The following GRIK1 variants were observed in gnomAD, a reference collection of about 807,000 sequenced individuals.
The protein encoded by GRIK1 is glutamate receptor ionotropic, kainate 1.
In GRIK1, 69 loss-of-function variants were observed where a neutral mutation model predicts 105.7. The observed-to-expected ratio is 0.65, with a 90% CI of 0.54 to 0.80. GRIK1 has a LOEUF of 0.80. Ranked by LOEUF, GRIK1 falls within the 30% of genes least tolerant of loss-of-function variation. The probability of loss-of-function intolerance (pLI) is 0.00; values close to 1 mark genes in which losing one functional copy is unlikely to be tolerated. For synonymous variants in GRIK1, 438 were observed against 431.3 expected, an observed-to-expected ratio of 1.02 and a Z score of -0.19; for missense variants, 1,109 against 1,167.3, an observed-to-expected ratio of 0.95 and a Z score of 0.73.
intron 1 of GRIK1, among the ~76,000 whole-genome samples, chr21:29,817,686 G>A (rs1220341284): frequency 6.6e-6 from 1 of 152,088 alleles, no homozygotes; most frequent in East Asian, 1.9e-4. Context: ...ACTGGACCAA[G>A]CCAAACCTGG....
chr21:29,899,823 A>C (rs2070325667), intron 1 of GRIK1, among the ~76,000 whole-genome samples: 1 of 152,146 alleles, frequency 6.6e-6, no homozygotes, highest in Admixed American at 6.6e-5. Flanking sequence ...ATGGGACAGA[A>C]ATCGTCAGGT....
At chr21:29,780,161 T>A (rs2066055185) in intron 1 of GRIK1, among the ~76,000 whole-genome samples, 1 of 152,224 alleles carries the variant, frequency 6.6e-6, no homozygotes, top group Admixed American at 6.5e-5. Context: ...GCTAATTGGA[T>A]GCCAGCTAGT....
At chr21:29,895,502 C>G (rs1203362919) in intron 1 of GRIK1, among the ~76,000 whole-genome samples, 1 of 152,126 alleles carries the variant, frequency 6.6e-6, no homozygotes, top group Non-Finnish European at 1.5e-5. Context: ...GTTACAAAAT[C>G]AAAAGGGATA....
chr21:29,600,528 C>G (rs1016946669), intron 7 of GRIK1, among the ~76,000 whole-genome samples: 6 of 152,164 alleles, frequency 3.9e-5, no homozygotes, highest in African/African-American at 1.4e-4. Flanking sequence ...AGCTGTTTTT[C>G]TCCCTCTTGA....
intron 1 of GRIK1, among the ~76,000 whole-genome samples, chr21:29,882,751 A>T (rs2069468454): frequency 6.6e-6 from 1 of 152,132 alleles, no homozygotes; most frequent in Admixed American, 6.6e-5. Context: ...TGAGTAATTG[A>T]ATGAGCCTGG....
At chr21:29,809,369 C>T (rs917245012) in intron 1 of GRIK1, among the ~76,000 whole-genome samples, 1 of 152,166 alleles carries the variant, frequency 6.6e-6, no homozygotes, top group Non-Finnish European at 1.5e-5. Flanking sequence ...TGTGCAACAG[C>T]ATTACTTCTA....
chr21:29,587,740 A>G, intron 11 of GRIK1, 151 bp from the exon 12 acceptor site: 1 of 600,150 alleles, frequency 1.7e-6, no homozygotes. Context: ...AAAAAAGCCA[A>G]TTTATACAGT....
intron 7 of GRIK1, among the ~76,000 whole-genome samples, chr21:29,627,485 C>A (rs1422758542): frequency 6.6e-6 from 1 of 152,148 alleles, no homozygotes; most frequent in Non-Finnish European, 1.5e-5. Flanking sequence ...GAAAGAGATT[C>A]CCGTGCCCCA....
chr21:29,749,990 T>C (rs992363608), intron 1 of GRIK1, among the ~76,000 whole-genome samples: 1 of 152,092 alleles, frequency 6.6e-6, no homozygotes, highest in Non-Finnish European at 1.5e-5. Context: ...TATTTATATA[T>C]TTCATGAATA....
chr21:29,615,615 T>C (rs182671727), intron 7 of GRIK1, among the ~76,000 whole-genome samples: 79 of 152,296 alleles, frequency 5.2e-4, no homozygotes, highest in African/African-American at 1.9e-3. Context: ...GGCCCCACTA[T>C]TCCTTTTACA....
intron 1 of GRIK1, among the ~76,000 whole-genome samples, chr21:29,710,455 A>G (rs1444452498): frequency 6.6e-6 from 1 of 152,192 alleles, no homozygotes; most frequent in African/African-American, 2.4e-5. Flanking sequence ...TAAAAAAACT[A>G]ATCAGTGTGA....
chr21:29,539,159 G>A lies in GRIK1; in HGVS notation c.2608-1275C>T, dbSNP rs1028424748. On this transcript the variant is annotated intron_variant, in intron 16 of 17. Coordinates refer to ENST00000327783, the MANE Select transcript of GRIK1 (RefSeq NM_001330994.2). The stretch of plus-strand genomic sequence containing the variant: ...GGTGTCATGCCACACAAAGAAAAAC[G>A]TCAGAAAGTTTTTTATGAACTATAC... Among the ~76,000 whole-genome samples the A allele has an allele frequency of 4.9e-4, 75 of 152,234 alleles. 1 individual carries two copies. Among genetic ancestry groups the A allele is most frequent in the African/African-American group, 1.4e-4 (6 of 41,536 alleles).
intron 1 of GRIK1, among the ~76,000 whole-genome samples, chr21:29,836,610 G>A (rs1009750246): frequency 2.0e-5 from 3 of 151,982 alleles, no homozygotes; most frequent in African/African-American, 7.2e-5. Flanking sequence ...ATGAAAGTTG[G>A]ATATTTTGAT....
intron 3 of GRIK1, among the ~76,000 whole-genome samples, 162 bp from the exon 4 acceptor site, chr21:29,673,326 G>A (rs1173172773): frequency 6.6e-6 from 1 of 152,134 alleles, no homozygotes; most frequent in Non-Finnish European, 1.5e-5. Flanking sequence ...TTCCTGTGGT[G>A]GATTATACCA....
At chr21:29,722,678 A>G (rs536313013) in intron 1 of GRIK1, among the ~76,000 whole-genome samples, 2 of 152,214 alleles carry the variant, frequency 1.3e-5, no homozygotes, top group African/African-American at 4.8e-5. Context: ...AAAAATGAAA[A>G]TACGTGCTGT....
At chr21:29,899,834 C>A (rs1415406645) in intron 1 of GRIK1, among the ~76,000 whole-genome samples, 1 of 152,090 alleles carries the variant, frequency 6.6e-6, no homozygotes, top group Non-Finnish European at 1.5e-5. Flanking sequence ...ATCGTCAGGT[C>A]ATGCTGAGGA....
intron 7 of GRIK1, among the ~76,000 whole-genome samples, chr21:29,609,399 G>T (rs1398761960): frequency 6.6e-6 from 1 of 152,082 alleles, no homozygotes; most frequent in Non-Finnish European, 1.5e-5. Flanking sequence ...GAATAAATTG[G>T]CTGTGTAAAT....
At chr21:29,810,273 G>C (rs753165175) in intron 1 of GRIK1, among the ~76,000 whole-genome samples, 1 of 146,608 alleles carries the variant, frequency 6.8e-6, no homozygotes, top group Non-Finnish European at 1.5e-5. Flanking sequence ...CTCCAACCTG[G>C]GTGACAGAGT....
At chr21:29,925,027 A>G (rs186678140) in intron 1 of GRIK1, among the ~76,000 whole-genome samples, 1 of 152,226 alleles carries the variant, frequency 6.6e-6, no homozygotes, top group Non-Finnish European at 1.5e-5. Flanking sequence ...GTCTAGATCA[A>G]ACCAAACTAT....
Sources: allele counts gnomAD v4.1 joint callset (sites outside exome capture counted in the v4.1 genomes callset), GRCh38; gene constraint gnomAD v4.1.1; transcripts MANE v1.5; gene names NCBI Gene and HGNC (gene_info 2026-07-23, HGNC 2026-07-21).